The following SEMA6D variants were observed in gnomAD, a reference collection of about 807,000 sequenced individuals.
The protein encoded by SEMA6D is semaphorin-6D.
Under a neutral mutation model 106.6 loss-of-function variants are expected in SEMA6D, and 35 were observed. The observed-to-expected ratio is 0.33, with a 90% CI of 0.25 to 0.44. The LOEUF is 0.44. Among genes scored for constraint, SEMA6D ranks in the 20% least tolerant of loss-of-function variants. The pLI, the probability that SEMA6D is intolerant of heterozygous loss-of-function variation, is 1.00. For synonymous variants in SEMA6D, 499 were observed against 487.7 expected (o/e 1.02, Z -0.31); for missense variants, 1,185 against 1,345.9 (o/e 0.88, Z 1.87).
intron 3 of SEMA6D, among the ~76,000 whole-genome samples, chr15:47,530,805 AT>A (rs1365760428): frequency 6.6e-6 from 1 of 152,182 alleles, no homozygotes; most frequent in Non-Finnish European, 1.5e-5. Context: ...GCTGCTACTC[AT>A]TAACTAGATG....
chr15:47,655,244 A>G (rs902563904), intron 4 of SEMA6D, among the ~76,000 whole-genome samples: 1 of 152,232 alleles, frequency 6.6e-6, no homozygotes, highest in Non-Finnish European at 1.5e-5. Flanking sequence ...GAAGCTTTTA[A>G]ATACATTACA....
At chr15:47,536,994 T>C (rs2045534431) in intron 3 of SEMA6D, among the ~76,000 whole-genome samples, 1 of 152,174 alleles carries the variant, frequency 6.6e-6, no homozygotes, top group African/African-American at 2.4e-5. Flanking sequence ...GTGTGATGCA[T>C]CTATAAGCAG....
chr15:47,705,976 C>T (rs1187370804), intron 4 of SEMA6D, among the ~76,000 whole-genome samples: 3 of 152,178 alleles, frequency 2.0e-5, no homozygotes, highest in Admixed American at 6.5e-5. Flanking sequence ...ACCTCAGTTA[C>T]GGGGCACATG....
chr15:47,417,403 G>A (rs1258713853), intron 2 of SEMA6D, among the ~76,000 whole-genome samples: 2 of 125,018 alleles, frequency 1.6e-5, no homozygotes, highest in Non-Finnish European at 1.7e-5. Flanking sequence ...CTTATACTGT[G>A]TGTGTGTATA....
intron 1 of SEMA6D, among the ~76,000 whole-genome samples, chr15:47,308,799 C>A (rs560274641): frequency 6.6e-6 from 1 of 152,342 alleles, no homozygotes; most frequent in East Asian, 1.9e-4. Flanking sequence ...TAACTCATCT[C>A]TCTTAGGTTG....
At chr15:47,459,335 G>C (rs1476003319) in intron 2 of SEMA6D, among the ~76,000 whole-genome samples, 1 of 151,994 alleles carries the variant, frequency 6.6e-6, no homozygotes, top group Non-Finnish European at 1.5e-5. Flanking sequence ...AATGAATCCT[G>C]TCAACTGCCT....
chr15:47,756,452 T>G (rs1271067183), intron 1 of SEMA6D, among the ~76,000 whole-genome samples: 1 of 152,224 alleles, frequency 6.6e-6, no homozygotes, highest in East Asian at 1.9e-4. Context: ...TGCCTCATAC[T>G]GATTATCTCA....
chr15:47,450,446 C>G (rs767600945), intron 2 of SEMA6D, among the ~76,000 whole-genome samples: 1 of 152,060 alleles, frequency 6.6e-6, no homozygotes, highest in Non-Finnish European at 1.5e-5. Flanking sequence ...CAACTGGTCA[C>G]TAAAGCAGAG....
At chr15:47,532,272 A>G (rs560264548) in intron 3 of SEMA6D, among the ~76,000 whole-genome samples, 3 of 152,342 alleles carry the variant, frequency 2.0e-5, no homozygotes, top group South Asian at 4.1e-4. Context: ...AACAAAAACA[A>G]AACCAAAAAA....
At chr15:47,654,292 G>A (rs1342281416) in intron 4 of SEMA6D, among the ~76,000 whole-genome samples, 1 of 152,154 alleles carries the variant, frequency 6.6e-6, no homozygotes, top group Non-Finnish European at 1.5e-5. Context: ...AAAAATCCAT[G>A]TATAACTTGA....
chr15:47,367,680 GCGCGCGCGCGCGCACACACACACACACA>G (rs1340957009), intron 1 of SEMA6D, among the ~76,000 whole-genome samples: 18 of 39,378 alleles, frequency 4.6e-4, no homozygotes, highest in African/African-American at 1.7e-3. Context: ...ACGCTCACAC[GCGCGCGCGCGCGCACACACACACACACA>G]CACACACACA....
At chr15:47,224,983 A>G (rs774768555) in intron 1 of SEMA6D, among the ~76,000 whole-genome samples, 6 of 151,166 alleles carry the variant, frequency 4.0e-5, no homozygotes, top group Non-Finnish European at 4.4e-5. Flanking sequence ...GAGGTCACGA[A>G]TACCCACTTT....
intron 1 of SEMA6D, among the ~76,000 whole-genome samples, chr15:47,357,251 A>T (rs531108754): frequency 1.3e-5 from 2 of 152,122 alleles, no homozygotes; most frequent in South Asian, 4.1e-4. Context: ...GGAGAATGGC[A>T]TGAACCTGGG....
At chr15:47,195,330 G>A (rs930080062) in intron 1 of SEMA6D, among the ~76,000 whole-genome samples, 12 of 152,104 alleles carry the variant, frequency 7.9e-5, no homozygotes, top group Non-Finnish European at 1.3e-4. Flanking sequence ...TGCATCATCC[G>A]TTCCCTGCCC....
At chr15:47,221,058 T>C (rs1455277940) in intron 1 of SEMA6D, among the ~76,000 whole-genome samples, 5 of 152,194 alleles carry the variant, frequency 3.3e-5, no homozygotes, top group African/African-American at 1.2e-4. Flanking sequence ...GAGATCTGCT[T>C]TCCACCCTCT....
chr15:47,756,217 G>A (rs2081724195), intron 1 of SEMA6D, among the ~76,000 whole-genome samples: 1 of 152,078 alleles, frequency 6.6e-6, no homozygotes, highest in Admixed American at 6.6e-5. Context: ...CCTCTTTTTT[G>A]GAGGCCTGTA....
chr15:47,497,066 C>G (rs948555949), intron 3 of SEMA6D, among the ~76,000 whole-genome samples: 2 of 152,024 alleles, frequency 1.3e-5, no homozygotes, highest in African/African-American at 4.8e-5. Context: ...TAGTTGTGCT[C>G]ATGTCTGCCA....
chr15:47,648,965 G>A (rs1456081138), intron 4 of SEMA6D, among the ~76,000 whole-genome samples: 1 of 152,130 alleles, frequency 6.6e-6, no homozygotes, highest in African/African-American at 2.4e-5. Flanking sequence ...AGGACCAACT[G>A]AATATGTAGT....
At chr15:47,460,581 A>G (rs914556271) in intron 2 of SEMA6D, among the ~76,000 whole-genome samples, 10 of 152,112 alleles carry the variant, frequency 6.6e-5, no homozygotes, top group Non-Finnish European at 1.3e-4. Flanking sequence ...GACAGCTGGA[A>G]ATCAGTGATT....
Sources: allele counts gnomAD v4.1 joint callset (sites outside exome capture counted in the v4.1 genomes callset), GRCh38; gene constraint gnomAD v4.1.1; transcripts MANE v1.5; gene names NCBI Gene and HGNC (gene_info 2026-07-23, HGNC 2026-07-21).